CCDC85A: variants seen among roughly 807,000 people sequenced by gnomAD.
CCDC85A encodes the protein coiled-coil domain containing 85A, also known as coiled-coil domain-containing protein 85A.
Under a neutral mutation model 50.2 loss-of-function variants are expected in CCDC85A, and 38 were observed. The observed-to-expected ratio is 0.76, with a 90% confidence interval of 0.58 to 0.99. The LOEUF (loss-of-function observed/expected upper bound fraction) is 0.99. CCDC85A is among the 50% of genes least tolerant of loss of function. The pLI, the probability that CCDC85A is intolerant of heterozygous loss-of-function variation, is 0.00. For missense variants in CCDC85A, 820 were observed against 742.0 expected, an observed-to-expected ratio of 1.11 and a Z score of -1.22; for synonymous variants, 366 against 301.4, an observed-to-expected ratio of 1.21 and a Z score of -2.22.
chr2:56,346,336 G>C (rs1674628563), intron 3 of CCDC85A, among the ~76,000 whole-genome samples: 1 of 152,012 alleles, frequency 6.6e-6, no homozygotes, highest in Non-Finnish European at 1.5e-5. Flanking sequence ...ACATTTTGTG[G>C]GCTCAGGGGT....
chr2:56,286,878 ACTGGTGGGTTTT>A (rs1671469784), intron 2 of CCDC85A, among the ~76,000 whole-genome samples: 1 of 152,190 alleles, frequency 6.6e-6, no homozygotes, highest in Non-Finnish European at 1.5e-5. Flanking sequence ...CAGTTAAATT[ACTGGTGGGTTTT>A]CTTGATCCTG....
At chr2:56,220,943 A>G (rs989502309) in intron 2 of CCDC85A, among the ~76,000 whole-genome samples, 2 of 152,032 alleles carry the variant, frequency 1.3e-5, no homozygotes, top group African/African-American at 2.4e-5. Flanking sequence ...CTCCATTTGC[A>G]TGAAATTCCC....
intron 2 of CCDC85A, among the ~76,000 whole-genome samples, chr2:56,237,379 T>A (rs1669065276): frequency 6.6e-6 from 1 of 152,222 alleles, no homozygotes; most frequent in Admixed American, 6.5e-5. Flanking sequence ...AGAAAGCAGG[T>A]GTCAGTATCT....
intron 2 of CCDC85A, among the ~76,000 whole-genome samples, chr2:56,324,690 C>T (rs927382742): frequency 6.6e-6 from 1 of 151,986 alleles, no homozygotes; most frequent in South Asian, 2.1e-4. Context: ...TGTGTTTATT[C>T]CATAAAGTCA....
intron 4 of CCDC85A, among the ~76,000 whole-genome samples, chr2:56,373,837 A>G (rs887106533): frequency 1.3e-5 from 2 of 152,160 alleles, no homozygotes; most frequent in Non-Finnish European, 2.9e-5. Context: ...AAAAGAGAAG[A>G]GTAGAGGACC....
At position 56,285,445 on chromosome 2, in the gene CCDC85A, A is replaced by T. The variant is rs986089521; in HGVS notation, c.1241-57434A>T. ...ATGTTCTTATCGATTAATTATATTA[A>T]TAATATAATTAATTATATTATTAAT... On this transcript the variant is annotated intron_variant, in intron 2 of 5. Transcript: ENST00000407595. Among the ~76,000 whole-genome samples, 46 of 142,772 alleles carry T rather than the reference A, an allele frequency of 3.2e-4. 1 individual carries two copies. In the East Asian group the frequency reaches 9.0e-3, roughly 28 times the overall value. 93.7% of individuals were successfully genotyped at this position (142,772 alleles called of 152,430 possible). A position where few individuals can be genotyped will look rare whatever the true frequency, so the allele number is the denominator to read the frequency against.
chr2:56,369,241 A>G (rs1171887683), intron 3 of CCDC85A, among the ~76,000 whole-genome samples: 1 of 152,156 alleles, frequency 6.6e-6, no homozygotes, highest in East Asian at 1.9e-4. Context: ...CTTCATTTAC[A>G]TATATAGCTC....
At chr2:56,185,192 C>T (rs963216774) in intron 1 of CCDC85A, among the ~76,000 whole-genome samples, 7 of 152,304 alleles carry the variant, frequency 4.6e-5, no homozygotes, top group African/African-American at 1.7e-4. Context: ...CCTTTCATTT[C>T]TTAGGGAGGC....
At chr2:56,199,716 G>A (rs1254332021) in intron 2 of CCDC85A, among the ~76,000 whole-genome samples, 3 of 152,222 alleles carry the variant, frequency 2.0e-5, no homozygotes, top group Admixed American at 6.5e-5. Flanking sequence ...CCCAATGGCT[G>A]GTCATAGCTT....
At chr2:56,190,565 C>T (rs1431784216) in intron 1 of CCDC85A, among the ~76,000 whole-genome samples, 1 of 152,144 alleles carries the variant, frequency 6.6e-6, no homozygotes, top group Non-Finnish European at 1.5e-5. Context: ...GGTGGACCTT[C>T]TATAGAATGG....
At position 56,252,297 on chromosome 2, in the gene CCDC85A, C is replaced by T. The variant is rs542392856; in HGVS notation, c.1240+58857C>T. On this transcript the variant is annotated intron_variant, in intron 2 of 5. Transcript: ENST00000407595. ...ACCTGACCTTGTGATCCACCTGCCT[C>T]GGCCTCTCAAAGTGCTGGGATTATA... Among the ~76,000 whole-genome samples, 14 of 152,250 alleles carry T rather than the reference C, an allele frequency of 9.2e-5. No homozygotes were observed. In the South Asian group the frequency reaches 1.0e-3, roughly 11 times the overall value.
intron 1 of CCDC85A, 81 bp downstream of exon 1, chr2:56,184,981 C>A: frequency 7.1e-7 from 1 of 1,409,812 alleles, no homozygotes; most frequent in Non-Finnish European, 9.3e-7. Flanking sequence ...GGCAAACTTT[C>A]CCTCCCTCCC....
chr2:56,195,564 T>C (rs1209324684), intron 2 of CCDC85A, among the ~76,000 whole-genome samples: 1 of 152,244 alleles, frequency 6.6e-6, no homozygotes, highest in African/African-American at 2.4e-5. Context: ...GAGATGTTTA[T>C]GGATCATCAG....
chr2:56,353,403 G>T (rs960288515), intron 3 of CCDC85A, among the ~76,000 whole-genome samples: 1 of 152,166 alleles, frequency 6.6e-6, no homozygotes, highest in Admixed American at 6.5e-5. Flanking sequence ...TGTGATAAAG[G>T]CTTGTGGATT....
At chr2:56,286,401 A>T (rs1671445447) in intron 2 of CCDC85A, among the ~76,000 whole-genome samples, 1 of 152,072 alleles carries the variant, frequency 6.6e-6, no homozygotes, top group Non-Finnish European at 1.5e-5. Context: ...GGCTGTTTTT[A>T]AAAAATTTTT....
rs769036577 is a variant in CCDC85A at position 56,372,419 on chromosome 2, C to G, written c.1393C>G (p.Arg465Gly). 1.9e-6 allele frequency: 3 copies of G among 1,607,552 alleles called. No individual in the cohort carries two copies. Among genetic ancestry groups the G allele is most frequent in the East Asian group, 2.2e-5 (1 of 44,540 alleles). Residue 465 changes from arginine (R) to glycine (G), a missense_variant, in exon 4 of 6, where the codon CGG becomes GGG. Transcript: ENST00000407595. ...MEKGWGSRAR[R>G]VLQWWQGCRG... is the part of the protein sequence containing the mutation. ...GAAAGGCTGGGGGTCCAGAGCCCGGCGGGTCTTGCAGTGGTGGCAAGGGTG... is the reference window on the plus strand; with the variant it reads ...GAAAGGCTGGGGGTCCAGAGCCCGGGGGGTCTTGCAGTGGTGGCAAGGGTG...
chr2:56,384,245 C>T (rs757713338), intron 5 of CCDC85A, 21 bp from the exon 6 acceptor site: 5 of 1,590,814 alleles, frequency 3.1e-6, no homozygotes, highest in Middle Eastern at 1.7e-4. Context: ...AAGATACTCA[C>T]TCCTTCTTTT....
intron 5 of CCDC85A, among the ~76,000 whole-genome samples, chr2:56,382,745 C>A (rs964541191): frequency 8.6e-5 from 13 of 152,022 alleles, no homozygotes; most frequent in Admixed American, 8.5e-4. Context: ...CTGGGTTAAG[C>A]TCATTGTGTT....
chr2:56,210,224 C>T (rs772001546), intron 2 of CCDC85A, among the ~76,000 whole-genome samples: 203 of 152,146 alleles, frequency 1.3e-3, no homozygotes, highest in Non-Finnish European at 1.6e-3. Flanking sequence ...GGTCCAAGGG[C>T]CAAATACCGT....
Sources: allele counts gnomAD v4.1 joint callset (sites outside exome capture counted in the v4.1 genomes callset), GRCh38; gene constraint gnomAD v4.1.1; transcripts MANE v1.5; gene names NCBI Gene and HGNC (gene_info 2026-07-23, HGNC 2026-07-21).